Variants in KLRG1 observed in about 807,000 individuals in gnomAD.
The protein encoded by KLRG1 is killer cell lectin-like receptor subfamily G member 1.
Under a neutral mutation model 21.8 loss-of-function variants are expected in KLRG1, and 16 were observed. That is an observed-to-expected ratio of 0.73 (90% CI 0.50 to 1.11). KLRG1 has a LOEUF of 1.11. KLRG1 is among the 50% of genes most tolerant of loss of function. The pLI is 0.00. For synonymous variants in KLRG1, 69 were observed against 75.9 expected (o/e 0.91, Z 0.47); for missense variants, 173 against 218.3 (o/e 0.79, Z 1.31).
chr12:9,161,150 C>T, the KLRG1 span: 5 of 1,460,160 alleles, frequency 3.4e-6, no homozygotes, highest in African/African-American at 4.3e-5. Context: ...TAAAGGAGGA[C>T]ATCTATGATT....
At chr12:9,055,047 G>A in the KLRG1 span, among the ~76,000 whole-genome samples, 3 of 152,288 alleles carry the variant, frequency 2.0e-5, no homozygotes, top group South Asian at 4.1e-4. Context: ...CCAATAACAC[G>A]TGATTCTGTC....
chr12:9,149,109 T>G, the KLRG1 span: 62 of 901,334 alleles, frequency 6.9e-5, no homozygotes, highest in Non-Finnish European at 1.8e-6. Flanking sequence ...AAAGGCCAGA[T>G]GGTAATTATT....
chr12:9,097,910 C>T, the KLRG1 span, among the ~76,000 whole-genome samples: 3 of 152,192 alleles, frequency 2.0e-5, no homozygotes, highest in Non-Finnish European at 4.4e-5. Context: ...GGATTACAGG[C>T]GTGAGCCACC....
chr12:9,068,894 T>C, the KLRG1 span: 12 of 1,335,888 alleles, frequency 9.0e-6, no homozygotes, highest in South Asian at 1.5e-4. Context: ...TCTTCTCTCT[T>C]TGAATTAGTT....
chr12:9,028,148 T>G, the KLRG1 span: 1 of 554,742 alleles, frequency 1.8e-6, no homozygotes, highest in East Asian at 2.9e-5. Context: ...GTCGTCTTCT[T>G]CTTTTTTTTT....
the KLRG1 span, among the ~76,000 whole-genome samples, chr12:9,198,201 A>G: frequency 6.6e-6 from 1 of 151,666 alleles, no homozygotes; most frequent in African/African-American, 2.4e-5. Flanking sequence ...TTTTAAAAAG[A>G]TTAGCTGGGT....
chr12:9,093,720 T>A, the KLRG1 span: 1 of 501,584 alleles, frequency 2.0e-6, no homozygotes, highest in East Asian at 3.2e-5. Context: ...GGCGCTTGGG[T>A]CATCAAGGAA....
chr12:9,009,441 C>A lies in KLRG1; in HGVS notation c.474C>A (p.Ser158Arg). Residue 158 changes from serine to arginine, a missense_variant, in exon 5 of 5, where the codon AGC becomes AGA. Ser to Arg is a moderately radical substitution (Grantham distance 110). Around this residue, in one of 3 missense-constraint regions of KLRG1, gnomAD observed 26 missense variants for 36.9 expected, o/e 0.70. Coordinates refer to ENST00000356986, the MANE Select transcript of KLRG1 (RefSeq NM_005810.4). ...PLNFSRISSN[S>R]FVQTCGAINK... Reference sequence around the variant, plus strand: ...TTTCTTACAGGATTTCTTCTAATAGCTTTGTGCAGACATGCGGTGCCATCA... The same window carrying A: ...TTTCTTACAGGATTTCTTCTAATAGATTTGTGCAGACATGCGGTGCCATCA... 6.2e-7 allele frequency: 1 copy of A among 1,613,806 alleles called. No homozygotes were observed. Among genetic ancestry groups the A allele is most frequent in the Non-Finnish European group, 8.5e-7 (1 of 1,179,882 alleles).
intron 1 of KLRG1, among the ~76,000 whole-genome samples, chr12:8,960,987 G>A (rs1397546917): frequency 2.0e-5 from 3 of 152,164 alleles, no homozygotes; most frequent in Non-Finnish European, 4.4e-5. Context: ...TACCAAGAAT[G>A]TCATCTCCTT....
chr12:9,023,891 T>C, the KLRG1 span, among the ~76,000 whole-genome samples: 9 of 152,068 alleles, frequency 5.9e-5, no homozygotes, highest in Non-Finnish European at 8.8e-5. Flanking sequence ...GTGTGAGATA[T>C]AGGTTGAGGT....
chr12:9,050,615 G>A, the KLRG1 span, among the ~76,000 whole-genome samples: 1 of 152,122 alleles, frequency 6.6e-6, no homozygotes, highest in African/African-American at 2.4e-5. Flanking sequence ...GAGCCTCCCT[G>A]TGCTCCCGGA....
chr12:9,127,886 C>T, the KLRG1 span: 2 of 313,356 alleles, frequency 6.4e-6, no homozygotes, highest in Non-Finnish European at 1.3e-5. Flanking sequence ...ACAGCCACTA[C>T]TTCAAGACCA....
At chr12:9,008,764 A>G (rs772806091) in intron 3 of KLRG1, among the ~76,000 whole-genome samples, 2 of 152,336 alleles carry the variant, frequency 1.3e-5, no homozygotes, top group South Asian at 4.1e-4. Flanking sequence ...AGGCTTCACC[A>G]GCAGATTTCA....
chr12:9,039,248 C>A, the KLRG1 span, among the ~76,000 whole-genome samples: 2 of 152,346 alleles, frequency 1.3e-5, no homozygotes, highest in South Asian at 4.1e-4. Context: ...TTTTTGATGG[C>A]TACTCTATGC....
At chr12:9,165,074 T>C in the KLRG1 span, 2 of 1,537,710 alleles carry the variant, frequency 1.3e-6, no homozygotes, top group South Asian at 2.3e-5. Flanking sequence ...ACAGAATCAG[T>C]AGCTGACTGA....
the KLRG1 span, chr12:9,098,574 C>A: frequency 1.9e-6 from 3 of 1,572,086 alleles, no homozygotes; most frequent in African/African-American, 2.7e-5. Flanking sequence ...CTGGCACGGC[C>A]CTTCTTGATT....
At chr12:9,067,898 A>G in the KLRG1 span, 2 of 1,516,948 alleles carry the variant, frequency 1.3e-6, no homozygotes, top group Non-Finnish European at 1.8e-6. Context: ...AGCAGAGAGT[A>G]TTCTTTCCCT....
chr12:9,067,941 T>A, the KLRG1 span: 32 of 1,179,374 alleles, frequency 2.7e-5, no homozygotes, highest in Admixed American at 5.1e-4. Flanking sequence ...CAAGGAAACC[T>A]AATCAGTACA....
chr12:9,069,769 G>C, the KLRG1 span: 4 of 1,612,788 alleles, frequency 2.5e-6, no homozygotes, highest in South Asian at 4.4e-5. Flanking sequence ...TCAAGACATG[G>C]TTGCTGCTGA....
Sources: allele counts gnomAD v4.1 joint callset (sites outside exome capture counted in the v4.1 genomes callset), GRCh38; gene constraint gnomAD v4.1.1; regional missense constraint gnomAD v4.1.1; transcripts MANE v1.5; gene names NCBI Gene and HGNC (gene_info 2026-07-23, HGNC 2026-07-21).